Variants in EDA observed in about 807,000 individuals in gnomAD.
The protein encoded by EDA is ectodysplasin-A.
EDA carries 2 observed loss-of-function variants against 23.6 expected under a neutral mutation model. The observed-to-expected ratio is 0.08, with a 90% CI of 0.03 to 0.27. The LOEUF is 0.27. Ranked by LOEUF, EDA falls within the 10% of genes least tolerant of loss-of-function variation. EDA has a pLI of 1.00. For synonymous variants in EDA, 131 were observed against 132.0 expected, an observed-to-expected ratio of 0.99 and a Z score of 0.05; for missense variants, 229 against 324.2, an observed-to-expected ratio of 0.71 and a Z score of 2.26.
At chrX:69,805,729 A>G (rs186147890) in intron 1 of EDA, among the ~76,000 whole-genome samples, 1 of 111,933 alleles carries the variant, frequency 8.9e-6, no homozygotes, top group African/African-American at 3.2e-5. Flanking sequence ...GAAATTAAGC[A>G]GCTGTGGTTC....
chrX:69,711,981 TG>T (rs1328617276), intron 1 of EDA, among the ~76,000 whole-genome samples: 1 of 111,453 alleles, frequency 9.0e-6, no homozygotes, highest in Non-Finnish European at 1.9e-5. Flanking sequence ...GGGTTTTTTG[TG>T]TCTCTATTTC....
intron 1 of EDA, among the ~76,000 whole-genome samples, chrX:69,788,837 G>GT (rs1303012975): frequency 8.8e-6 from 1 of 113,322 alleles, no homozygotes; most frequent in African/African-American, 3.2e-5. Flanking sequence ...CAGCTTCCCA[G>GT]CTGCTTTGTT....
chrX:70,012,395 A>G (rs1317839818), intron 2 of EDA, among the ~76,000 whole-genome samples: 4 of 111,819 alleles, frequency 3.6e-5, no homozygotes, highest in Non-Finnish European at 7.5e-5. Context: ...GCTCCCTGAC[A>G]TTTTCTCTCT....
chrX:69,871,734 A>G (rs1338556339), intron 1 of EDA, among the ~76,000 whole-genome samples: 1 of 112,328 alleles, frequency 8.9e-6, no homozygotes, highest in Non-Finnish European at 1.9e-5. Context: ...CACATCTTCC[A>G]AGAACTTTGG....
At chrX:69,667,575 C>T (rs753114902) in intron 1 of EDA, among the ~76,000 whole-genome samples, 1 of 110,521 alleles carries the variant, frequency 9.0e-6, no homozygotes, top group East Asian at 2.8e-4. Context: ...TATGATTTTT[C>T]TGTTCTCTGT....
intron 1 of EDA, among the ~76,000 whole-genome samples, chrX:69,906,016 G>T (rs774313732): frequency 9.0e-6 from 1 of 111,541 alleles, no homozygotes; most frequent in South Asian, 3.8e-4. Context: ...AACTCTGCCT[G>T]GTTATTGATG....
chrX:69,851,054 G>A (rs2017113643), intron 1 of EDA, among the ~76,000 whole-genome samples: 1 of 111,048 alleles, frequency 9.0e-6, no homozygotes, highest in Non-Finnish European at 1.9e-5. Flanking sequence ...CTTTTGGAGG[G>A]GGGTTATAAA....
intron 1 of EDA, among the ~76,000 whole-genome samples, chrX:69,644,943 G>A (rs1227491600): frequency 8.9e-6 from 1 of 111,749 alleles, no homozygotes; most frequent in African/African-American, 3.3e-5. Flanking sequence ...TTGAACCAAC[G>A]TTGTAACCTG....
chrX:69,746,613 G>C (rs185996547), intron 1 of EDA, among the ~76,000 whole-genome samples: 1 of 111,016 alleles, frequency 9.0e-6, no homozygotes, highest in East Asian at 2.8e-4. Context: ...TATAAAACCT[G>C]GCTTAAGGTG....
intron 1 of EDA, among the ~76,000 whole-genome samples, chrX:69,831,158 G>A (rs1382252051): frequency 9.0e-6 from 1 of 111,140 alleles, no homozygotes; most frequent in Non-Finnish European, 1.9e-5. Flanking sequence ...TTGGTTTGCT[G>A]CACCCATCAA....
At chrX:69,977,520 T>C (rs6625552) in intron 2 of EDA, among the ~76,000 whole-genome samples, 9,958 of 111,539 alleles carry the variant, frequency 0.089, 851 homozygotes, top group East Asian at 0.61. Flanking sequence ...TGCCCCAAAC[T>C]CTACCTAGGT....
At chrX:69,723,292 G>T (rs947014856) in intron 1 of EDA, among the ~76,000 whole-genome samples, 1 of 111,836 alleles carries the variant, frequency 8.9e-6, no homozygotes, top group East Asian at 2.8e-4. Context: ...TACTTACCTT[G>T]TGTGGGTACC....
intron 1 of EDA, among the ~76,000 whole-genome samples, chrX:69,682,239 G>A (rs1277707137): frequency 1.3e-4 from 15 of 112,104 alleles, no homozygotes; most frequent in African/African-American, 3.9e-4. Flanking sequence ...TCAGACAGGG[G>A]CATTTAAGTC....
chrX:69,997,872 A>G (rs933943995), intron 2 of EDA, among the ~76,000 whole-genome samples: 18 of 112,572 alleles, frequency 1.6e-4, no homozygotes, highest in African/African-American at 5.8e-4. Context: ...CTGCAAGTGT[A>G]CAGAAGTCAA....
intron 1 of EDA, among the ~76,000 whole-genome samples, chrX:69,882,707 ACT>A (rs1491586951): frequency 1.3e-4 from 2 of 15,095 alleles, no homozygotes; most frequent in Non-Finnish European, 6.2e-4. Flanking sequence ...GTTTGTAACT[ACT>A]TTTTTTTTTT....
intron 1 of EDA, among the ~76,000 whole-genome samples, chrX:69,766,407 A>AT (rs1488942242): frequency 4.6e-5 from 5 of 109,778 alleles, no homozygotes; most frequent in African/African-American, 1.7e-4. Context: ...CCCAATCGTT[A>AT]TTTTTTCTGA....
rs1420393780 is a variant in EDA, at chrX:70,037,462, G to A, written c.*1853G>A. ...AACAAGAACCACTCCTTCATGTTTG[G>A]AAAATAATTTCTCTTGTATTATCTC... is the stretch of plus-strand genomic sequence containing the variant. On this transcript the variant is annotated 3_prime_UTR_variant, in exon 8 of 8. Coordinates refer to ENST00000374552, the MANE Select transcript of EDA (RefSeq NM_001399.5). 8.9e-6 allele frequency: 1 copy of A among 112,159 alleles called. No individual in the cohort carries two copies. The highest frequency in any genetic ancestry group is 1.9e-5 in the Non-Finnish European group (1 of 53,240). The allele number at this position is 112,159 out of a possible 1,213,427, so 9.2% of individuals were successfully genotyped here. A position where few individuals can be genotyped will look rare whatever the true frequency, so the allele number is the denominator to read the frequency against.
intron 2 of EDA, among the ~76,000 whole-genome samples, chrX:70,015,389 A>G (rs1025364170): frequency 2.7e-5 from 3 of 111,710 alleles, no homozygotes; most frequent in Non-Finnish European, 3.8e-5. Context: ...CCTGGCCAAC[A>G]TGGCAAAACT....
At chrX:69,851,835 T>C (rs1272680766) in intron 1 of EDA, among the ~76,000 whole-genome samples, 1 of 111,670 alleles carries the variant, frequency 9.0e-6, no homozygotes, top group Non-Finnish European at 1.9e-5. Flanking sequence ...CCCAGCCACA[T>C]CCCATATCTA....
Sources: allele counts gnomAD v4.1 joint callset (sites outside exome capture counted in the v4.1 genomes callset), GRCh38; gene constraint gnomAD v4.1.1; transcripts MANE v1.5; gene names NCBI Gene and HGNC (gene_info 2026-07-23, HGNC 2026-07-21).